Variants in HIVEP2 observed in about 807,000 individuals in gnomAD.
HIVEP2 encodes transcription factor HIVEP2.
HIVEP2 carries 14 observed loss-of-function variants against 180.7 expected under a neutral mutation model. The ratio of observed to expected loss-of-function variants is 0.08; its 90% CI spans 0.05 to 0.12. The LOEUF (loss-of-function observed/expected upper bound fraction) is 0.12, where lower values mean the gene tolerates loss of function less well. HIVEP2 is among the 10% of genes least tolerant of loss of function. The pLI is 1.00. For synonymous variants in HIVEP2, 1,184 were observed against 1,136.4 expected (o/e 1.04, Z -0.84); for missense variants, 2,579 against 3,008.5 (o/e 0.86, Z 3.34).
chr6:142,935,851 A>C (rs1163023524), intron 1 of HIVEP2, among the ~76,000 whole-genome samples: 1 of 152,210 alleles, frequency 6.6e-6, no homozygotes, highest in Non-Finnish European at 1.5e-5. Flanking sequence ...TTATCAGTTA[A>C]AAGATGAATA....
In HIVEP2 at chr6:142,788,780, G is replaced by A. The variant is rs143266409; in HGVS notation, c.-527-5165C>T. Among the ~76,000 whole-genome samples the A allele has an allele frequency of 3.7e-3, 562 of 152,108 alleles. 5 individuals are homozygous for A. The highest frequency in any genetic ancestry group is 0.011 in the African/African-American group (474 of 41,486). ...AACGAAGAGCTCAGAGCTTCAGCGG[G>A]GAGATATTTGTGAATTAGTTCAACA... On this transcript the variant is annotated intron_variant, in intron 2 of 9. Transcript: ENST00000367603.
chr6:142,859,690 C>T (rs779200438), intron 1 of HIVEP2, among the ~76,000 whole-genome samples: 7 of 150,744 alleles, frequency 4.6e-5, no homozygotes, highest in South Asian at 2.1e-4. Flanking sequence ...AAAAATTAGC[C>T]GGGCATGGTG....
intron 2 of HIVEP2, among the ~76,000 whole-genome samples, chr6:142,812,375 T>C (rs1776721610): frequency 6.6e-6 from 1 of 152,030 alleles, no homozygotes; most frequent in South Asian, 2.1e-4. Flanking sequence ...TTGGTTAGAG[T>C]ACTAAGAAAG....
intron 1 of HIVEP2, among the ~76,000 whole-genome samples, chr6:142,876,641 A>G (rs1354297799): frequency 6.6e-6 from 1 of 152,206 alleles, no homozygotes; most frequent in Admixed American, 6.5e-5. Flanking sequence ...TCAACAAGAT[A>G]GGAGAAAATA....
intron 1 of HIVEP2, among the ~76,000 whole-genome samples, chr6:142,897,323 G>A (rs188094958): frequency 9.9e-5 from 15 of 152,282 alleles, no homozygotes; most frequent in African/African-American, 2.6e-4. Context: ...AAAAAGGCAC[G>A]CGGTAATAAC....
At chr6:142,916,433 A>G (rs1411948468) in intron 1 of HIVEP2, among the ~76,000 whole-genome samples, 3 of 152,310 alleles carry the variant, frequency 2.0e-5, no homozygotes, top group South Asian at 2.1e-4. Context: ...TGCTCCAGCC[A>G]CAGCAGTGTT....
At chr6:142,893,112 C>T (rs1001527271) in intron 1 of HIVEP2, among the ~76,000 whole-genome samples, 3 of 152,276 alleles carry the variant, frequency 2.0e-5, no homozygotes, top group African/African-American at 2.4e-5. Context: ...ATTGGCCAGG[C>T]AGGAACTGGA....
At position 142,774,797 on chromosome 6, in the gene HIVEP2, G is replaced by GT. The variant is rs1775654287; in HGVS notation, c.-60dup. 1.2e-5 allele frequency: 19 copies of GT among 1,567,058 alleles called. No individual in the cohort carries two copies. Among genetic ancestry groups the GT allele is most frequent in the Non-Finnish European group, 1.5e-5 (17 of 1,157,912 alleles). Reference sequence around the variant, plus strand: ...TGAAAGCAGTGCAGACTCATGGAGTGTCTCCAAAGCTGTGCTTCTTAAAGC... The same window carrying GT: ...TGAAAGCAGTGCAGACTCATGGAGTGTTCTCCAAAGCTGTGCTTCTTAAAGC... On this transcript the variant is annotated 5_prime_UTR_variant, in exon 5 of 10. Coordinates refer to ENST00000367603, the MANE Select transcript of HIVEP2 (RefSeq NM_006734.4). The surrounding 1 kb of genome is among the most constrained non-coding windows in gnomAD (Gnocchi z 5.1).
In HIVEP2 at chr6:142,752,941, T is replaced by C; in HGVS notation, c.*166A>G. 2 of 593,746 alleles carry C rather than the reference T, an allele frequency of 3.4e-6. No individual in the cohort carries two copies. Among genetic ancestry groups the C allele is most frequent in the Non-Finnish European group, 3.0e-6 (1 of 334,914 alleles). The allele number at this position is 593,746 out of a possible 1,614,324, so 36.8% of individuals were successfully genotyped here. On this transcript the variant is annotated 3_prime_UTR_variant, in exon 10 of 10. Transcript: ENST00000367603. Reference sequence around the variant, plus strand: ...AATTTTGTTTTGGTCAGGCTCATGATGACTTGTTAATTTACCTAATTCTTT... The same window carrying C: ...AATTTTGTTTTGGTCAGGCTCATGACGACTTGTTAATTTACCTAATTCTTT...
intron 1 of HIVEP2, among the ~76,000 whole-genome samples, chr6:142,913,674 C>A (rs1026689915): frequency 6.6e-6 from 1 of 152,180 alleles, no homozygotes; most frequent in African/African-American, 2.4e-5. Context: ...TCACAGAGAG[C>A]ACAGTCGACT....
intron 2 of HIVEP2, among the ~76,000 whole-genome samples, chr6:142,816,873 GGTGTGTGTGTGTGT>G (rs34958624): frequency 2.0e-5 from 3 of 148,478 alleles, no homozygotes; most frequent in Admixed American, 1.3e-4. Flanking sequence ...AGCACCAGAG[GGTGTGTGTGTGTGT>G]GTGTGTGTGT....
rs1775183504 is a variant in HIVEP2, at chr6:142,760,005, C to A, written c.6283G>T (p.Ala2095Ser). 1 of 1,614,018 alleles carries A rather than the reference C, an allele frequency of 6.2e-7. No homozygotes were observed. Among genetic ancestry groups the A allele is most frequent in the Non-Finnish European group, 8.5e-7 (1 of 1,179,928 alleles). The change falls in exon 9 of 10, where the codon GCA becomes TCA. Residue 2095 changes from alanine (A) to serine (S), a missense_variant. Transcript: ENST00000367603. ...MRHLSPRKEAALRREMSQRDV... is the reference protein window; with the variant it reads ...MRHLSPRKEASLRREMSQRDV... ...CTTTGGGACATCTCTCTTCTCAATGCAGCTTCCTTTCTTGGTGAAAGATGT... is the reference window on the plus strand; with the variant it reads ...CTTTGGGACATCTCTCTTCTCAATGAAGCTTCCTTTCTTGGTGAAAGATGT...
chr6:142,908,856 A>AAAC (rs1206615392), intron 1 of HIVEP2, among the ~76,000 whole-genome samples: 72 of 128,400 alleles, frequency 5.6e-4, no homozygotes, highest in South Asian at 2.9e-3. Flanking sequence ...CCACCTCTCA[A>AAAC]AAAAAAAAAA....
At chr6:142,800,146 G>A (rs964153464) in intron 2 of HIVEP2, among the ~76,000 whole-genome samples, 1 of 152,146 alleles carries the variant, frequency 6.6e-6, no homozygotes, top group Non-Finnish European at 1.5e-5. Context: ...GGCTGGTGTG[G>A]AATAAATGGT....
intron 1 of HIVEP2, among the ~76,000 whole-genome samples, chr6:142,847,344 C>T (rs915701319): frequency 2.6e-5 from 4 of 151,956 alleles, no homozygotes; most frequent in Admixed American, 6.6e-5. Context: ...CTTTTCTATT[C>T]GGTTTTCCCT....
intron 1 of HIVEP2, among the ~76,000 whole-genome samples, chr6:142,849,521 T>TTTA (rs1775596162): frequency 8.0e-6 from 1 of 124,646 alleles, no homozygotes; most frequent in African/African-American, 2.7e-5. Context: ...TTATTTATTT[T>TTTA]TTTTTTTTTT....
intron 1 of HIVEP2, among the ~76,000 whole-genome samples, chr6:142,910,769 T>C (rs888595048): frequency 2.0e-5 from 3 of 152,216 alleles, no homozygotes; most frequent in Non-Finnish European, 2.9e-5. Flanking sequence ...AGTTCTCAGA[T>C]CACCGGCAGC....
At chr6:142,863,469 T>C (rs1438439919) in intron 1 of HIVEP2, among the ~76,000 whole-genome samples, 1 of 152,084 alleles carries the variant, frequency 6.6e-6, no homozygotes, top group Admixed American at 6.5e-5. Flanking sequence ...ATACAAAAAA[T>C]AGCTTTTCTA....
At chr6:142,814,750 T>C (rs145151561) in intron 2 of HIVEP2, among the ~76,000 whole-genome samples, 19 of 152,256 alleles carry the variant, frequency 1.2e-4, no homozygotes, top group African/African-American at 4.3e-4. Flanking sequence ...TGCAGAGATA[T>C]CTAGTATATA....
Sources: allele counts gnomAD v4.1 joint callset (sites outside exome capture counted in the v4.1 genomes callset), GRCh38; gene constraint gnomAD v4.1.1; non-coding constraint Gnocchi (gnomAD v3.1); transcripts MANE v1.5; gene names NCBI Gene and HGNC (gene_info 2026-07-23, HGNC 2026-07-21).